Variants in PIP5K1B observed in about 807,000 individuals in gnomAD.
PIP5K1B encodes phosphatidylinositol-4-phosphate 5-kinase type 1 beta, also known as phosphatidylinositol 4-phosphate 5-kinase type-1 beta.
Under a neutral mutation model 67.0 loss-of-function variants are expected in PIP5K1B, and 42 were observed. The observed-to-expected ratio is 0.63, with a 90% CI of 0.49 to 0.81. PIP5K1B has a LOEUF of 0.81. Ranked by LOEUF, PIP5K1B falls within the 30% of genes least tolerant of loss-of-function variation. The pLI is 0.00. For synonymous variants in PIP5K1B, 214 were observed against 231.4 expected (o/e 0.92, Z 0.68); for missense variants, 459 against 646.3 (o/e 0.71, Z 3.14).
chr9:68,780,249 G>A (rs1587434158), intron 2 of PIP5K1B: 6 of 1,544,172 alleles, frequency 3.9e-6, no homozygotes, highest in Non-Finnish European at 5.2e-6. Flanking sequence ...CAGCGGCGGC[G>A]GCGGGGGCCT....
chr9:68,921,567 A>G (rs1826404483), intron 11 of PIP5K1B, among the ~76,000 whole-genome samples: 2 of 152,006 alleles, frequency 1.3e-5, no homozygotes, highest in Admixed American at 6.6e-5. Context: ...GGTGCATCTA[A>G]GGGCCCCCCA....
At chr9:68,970,580 C>T (rs1286539205) in intron 14 of PIP5K1B, among the ~76,000 whole-genome samples, 3 of 152,220 alleles carry the variant, frequency 2.0e-5, no homozygotes, top group Admixed American at 1.3e-4. Context: ...TTTATTCCCT[C>T]ACTATATATC....
intron 11 of PIP5K1B, 76 bp from the exon 12 acceptor site, chr9:68,923,226 A>G (rs1234214063): frequency 1.7e-5 from 14 of 831,458 alleles, no homozygotes; most frequent in South Asian, 3.0e-5. Context: ...CAGAGAACCA[A>G]TTGCATAGAT....
chr9:68,756,275 G>A (rs546296706), intron 2 of PIP5K1B, among the ~76,000 whole-genome samples: 3 of 152,342 alleles, frequency 2.0e-5, no homozygotes, highest in East Asian at 3.9e-4. Context: ...AGCCGAAAAA[G>A]GAAGAGCTTG....
chr9:68,927,711 G>A (rs551580937), intron 12 of PIP5K1B, among the ~76,000 whole-genome samples: 67 of 152,174 alleles, frequency 4.4e-4, no homozygotes, highest in African/African-American at 1.6e-3. Flanking sequence ...TCTGTGGGTT[G>A]TCTTTTTACT....
chr9:68,934,841 T>C (rs1210869058), intron 12 of PIP5K1B, 49 bp from the exon 13 acceptor site: 2 of 1,311,858 alleles, frequency 1.5e-6, no homozygotes, highest in Non-Finnish European at 2.1e-6. Flanking sequence ...AAAATAGTAA[T>C]GTGATTTTAC....
At chr9:68,748,363 T>C (rs1358940209) in intron 2 of PIP5K1B, among the ~76,000 whole-genome samples, 1 of 152,162 alleles carries the variant, frequency 6.6e-6, no homozygotes, top group Admixed American at 6.5e-5. Context: ...GGGATTTTAG[T>C]CCATAATAAA....
intron 2 of PIP5K1B, among the ~76,000 whole-genome samples, chr9:68,752,354 C>T (rs950786): frequency 0.12 from 18,946 of 152,084 alleles, 1,303 homozygotes; most frequent in Non-Finnish European, 0.17. Flanking sequence ...GCAACAAGGC[C>T]GAGAAGTTAG....
chr9:68,948,196 T>C (rs973610601), intron 14 of PIP5K1B, among the ~76,000 whole-genome samples: 1 of 152,212 alleles, frequency 6.6e-6, no homozygotes, highest in African/African-American at 2.4e-5. Context: ...ACCACATGTT[T>C]AGAGAAGCAA....
chr9:68,881,213 C>G (rs550682459), intron 6 of PIP5K1B, among the ~76,000 whole-genome samples: 1 of 152,188 alleles, frequency 6.6e-6, no homozygotes, highest in Non-Finnish European at 1.5e-5. Context: ...TCACAGACCT[C>G]TTACCAAATA....
At chr9:68,905,671 A>G (rs2132460217) in intron 8 of PIP5K1B, among the ~76,000 whole-genome samples, 1 of 152,340 alleles carries the variant, frequency 6.6e-6, no homozygotes, top group Middle Eastern at 3.4e-3. Context: ...TCTTCCTCCC[A>G]GAAGCTTTCA....
In PIP5K1B at chr9:68,876,627, C is replaced by G. The variant is rs888984354; in HGVS notation, c.201-50C>G. ...GCTACAATTTGCGGTCAAAATTGTCCTTGCTAATGTGTTCTTTCTTTCTCT... is the reference window on the plus strand; with the variant it reads ...GCTACAATTTGCGGTCAAAATTGTCGTTGCTAATGTGTTCTTTCTTTCTCT... On this transcript the variant is annotated intron_variant, in intron 5 of 15. Transcript: ENST00000265382. The G allele has an allele frequency of 4.9e-6, 5 of 1,020,864 alleles. No homozygotes were observed. In the African/African-American group the frequency reaches 7.9e-5, roughly 16 times the overall value. 63.2% of individuals were successfully genotyped at this position (1,020,864 alleles called of 1,614,324 possible).
intron 8 of PIP5K1B, among the ~76,000 whole-genome samples, chr9:68,909,048 TC>T (rs1825741670): frequency 6.6e-6 from 1 of 152,186 alleles, no homozygotes; most frequent in South Asian, 2.1e-4. Flanking sequence ...TTAGTTAAGA[TC>T]CCAAATTATT....
At chr9:68,961,559 A>C (rs1587725285) in intron 14 of PIP5K1B, among the ~76,000 whole-genome samples, 3 of 152,062 alleles carry the variant, frequency 2.0e-5, no homozygotes, top group African/African-American at 7.2e-5. Context: ...CTGTAGGGCG[A>C]TTTGGCTGGG....
At chr9:68,834,346 A>G (rs1310679687) in intron 4 of PIP5K1B, among the ~76,000 whole-genome samples, 3 of 151,962 alleles carry the variant, frequency 2.0e-5, no homozygotes, top group East Asian at 1.9e-4. Flanking sequence ...CAGCTCTATC[A>G]TTGCCTTTGT....
intron 2 of PIP5K1B, among the ~76,000 whole-genome samples, chr9:68,777,436 G>A (rs1326374310): frequency 6.6e-6 from 1 of 152,148 alleles, no homozygotes; most frequent in African/African-American, 2.4e-5. Context: ...ACAGAGTAAG[G>A]GGCATGCAAA....
At chr9:68,827,481 G>T (rs1480543716) in intron 4 of PIP5K1B, among the ~76,000 whole-genome samples, 1 of 152,148 alleles carries the variant, frequency 6.6e-6, no homozygotes, top group Non-Finnish European at 1.5e-5. Flanking sequence ...AGCACACGTG[G>T]CTGATGACTG....
At chr9:68,962,190 T>G (rs765757264) in intron 14 of PIP5K1B, among the ~76,000 whole-genome samples, 5 of 152,210 alleles carry the variant, frequency 3.3e-5, no homozygotes, top group Non-Finnish European at 7.3e-5. Context: ...TTTTTTTAAT[T>G]TAAAATACTG....
intron 14 of PIP5K1B, among the ~76,000 whole-genome samples, chr9:68,949,203 A>G (rs1827941664): frequency 1.3e-5 from 2 of 152,170 alleles, no homozygotes; most frequent in South Asian, 4.1e-4. Context: ...TGTCTCTGGA[A>G]GAATGGTTTG....
Sources: allele counts gnomAD v4.1 joint callset (sites outside exome capture counted in the v4.1 genomes callset), GRCh38; gene constraint gnomAD v4.1.1; transcripts MANE v1.5; gene names NCBI Gene and HGNC (gene_info 2026-07-23, HGNC 2026-07-21).